The following FSTL5 variants were observed in gnomAD, a reference collection of about 807,000 sequenced individuals.
The protein encoded by FSTL5 is follistatin like 5.
In FSTL5, 62 loss-of-function variants were observed where a neutral mutation model predicts 89.1. The observed-to-expected ratio is 0.70, with a 90% CI of 0.57 to 0.86. FSTL5 has a LOEUF of 0.86. Among genes scored for constraint, FSTL5 ranks in the 40% least tolerant of loss-of-function variants. FSTL5 has a pLI of 0.00. For missense variants in FSTL5, 1,057 were observed against 1,001.6 expected (o/e 1.06, Z -0.75); for synonymous variants, 383 against 346.2 (o/e 1.11, Z -1.18).
At chr4:161,688,570 G>A (rs527576306) in intron 6 of FSTL5, among the ~76,000 whole-genome samples, 1 of 152,244 alleles carries the variant, frequency 6.6e-6, no homozygotes, top group African/African-American at 2.4e-5. Context: ...ATGGAAGGTT[G>A]GCAAAGAGAT....
intron 13 of FSTL5, among the ~76,000 whole-genome samples, chr4:161,466,473 A>T (rs1170069752): frequency 2.0e-5 from 3 of 152,174 alleles, no homozygotes; most frequent in Non-Finnish European, 4.4e-5. Flanking sequence ...CCAGCTGGCT[A>T]ATTAAGTGAA....
chr4:161,642,751 C>T (rs1021785460), intron 7 of FSTL5, among the ~76,000 whole-genome samples: 26 of 151,942 alleles, frequency 1.7e-4, no homozygotes, highest in African/African-American at 6.3e-4. Flanking sequence ...TTAGAGTATG[C>T]AAAATCAGAC....
chr4:161,559,633 T>A (rs894658918), intron 8 of FSTL5, among the ~76,000 whole-genome samples: 1 of 151,956 alleles, frequency 6.6e-6, no homozygotes, highest in Non-Finnish European at 1.5e-5. Context: ...AATTAATTCC[T>A]GTAAGCAAAC....
intron 6 of FSTL5, among the ~76,000 whole-genome samples, chr4:161,701,858 T>C (rs562930897): frequency 6.6e-6 from 1 of 152,256 alleles, no homozygotes; most frequent in East Asian, 1.9e-4. Flanking sequence ...TTACTTATGT[T>C]TTGATTCTTG....
chr4:161,539,470 T>C (rs1731745368), intron 9 of FSTL5, among the ~76,000 whole-genome samples: 1 of 152,168 alleles, frequency 6.6e-6, no homozygotes, highest in African/African-American at 2.4e-5. Context: ...TGTTTCTTTA[T>C]TTGCAAATGC....
rs575266835 is a variant in FSTL5, at chr4:161,479,610, C to T, written c.1608+1410G>A. ...GTCAAAATCCAACAGTCTCAAAAAT[C>T]GGAAACAAAAGAAGTGAAATATACA... On this transcript the variant is annotated intron_variant, in intron 13 of 15. Transcript: ENST00000306100. Among the ~76,000 whole-genome samples, 58 of 152,132 alleles carry T rather than the reference C, an allele frequency of 3.8e-4. No homozygotes were observed. In the South Asian group the frequency reaches 0.011, roughly 28 times the overall value.
chr4:161,765,548 T>C (rs1740963916), intron 5 of FSTL5, among the ~76,000 whole-genome samples: 1 of 152,204 alleles, frequency 6.6e-6, no homozygotes, highest in South Asian at 2.1e-4. Flanking sequence ...AAATACTTCA[T>C]TTGTAAAAAT....
chr4:162,087,430 A>C (rs1365959773), intron 2 of FSTL5, among the ~76,000 whole-genome samples: 3 of 152,130 alleles, frequency 2.0e-5, no homozygotes, highest in Admixed American at 6.6e-5. Context: ...AATAAAGAGG[A>C]AAGAGGAGAA....
At chr4:162,119,671 G>A (rs908428554) in intron 1 of FSTL5, among the ~76,000 whole-genome samples, 1 of 152,130 alleles carries the variant, frequency 6.6e-6, no homozygotes, top group African/African-American at 2.4e-5. Flanking sequence ...CTTGTGTTGA[G>A]AACATTCAAT....
intron 4 of FSTL5, among the ~76,000 whole-genome samples, chr4:161,874,273 G>C (rs796222273): frequency 2.6e-5 from 4 of 151,768 alleles, no homozygotes; most frequent in South Asian, 2.1e-4. Flanking sequence ...TTTAAAATTA[G>C]GTTTACTTTT....
At chr4:161,616,512 G>T (rs1043566814) in intron 7 of FSTL5, among the ~76,000 whole-genome samples, 1 of 152,070 alleles carries the variant, frequency 6.6e-6, no homozygotes, top group Non-Finnish European at 1.5e-5. Context: ...GAGGTTTTGG[G>T]ACTCAGACTG....
intron 7 of FSTL5, among the ~76,000 whole-genome samples, chr4:161,629,398 G>C (rs956777712): frequency 1.3e-5 from 2 of 151,882 alleles, no homozygotes; most frequent in Admixed American, 1.3e-4. Flanking sequence ...GCTGGAGTGC[G>C]ATGGCATGAT....
intron 4 of FSTL5, among the ~76,000 whole-genome samples, chr4:161,821,660 CAT>C (rs1047391541): frequency 1.3e-5 from 2 of 152,150 alleles, no homozygotes; most frequent in African/African-American, 4.8e-5. Flanking sequence ...TGAGTGAGAA[CAT>C]ATGATATTTG....
intron 3 of FSTL5, among the ~76,000 whole-genome samples, chr4:161,998,644 CA>C (rs1736371036): frequency 6.6e-6 from 1 of 152,070 alleles, no homozygotes; most frequent in Non-Finnish European, 1.5e-5. Flanking sequence ...TTTTCTCTTA[CA>C]ATATGTATTC....
intron 15 of FSTL5, among the ~76,000 whole-genome samples, chr4:161,430,352 T>G (rs1732315191): frequency 6.6e-6 from 1 of 152,110 alleles, no homozygotes; most frequent in African/African-American, 2.4e-5. Context: ...CAGAGAACTT[T>G]CCAAATCTAG....
At chr4:162,128,836 A>C (rs1333455735) in intron 1 of FSTL5, among the ~76,000 whole-genome samples, 1 of 152,174 alleles carries the variant, frequency 6.6e-6, no homozygotes, top group Admixed American at 6.5e-5. Flanking sequence ...TCATTGTAAA[A>C]GACTTCATAT....
chr4:161,603,993 TAAC>T (rs1282301071), intron 7 of FSTL5, among the ~76,000 whole-genome samples: 3 of 152,132 alleles, frequency 2.0e-5, no homozygotes, highest in African/African-American at 7.2e-5. Context: ...AATAGATCAA[TAAC>T]AAATAAATGC....
chr4:161,976,889 C>CT (rs1735666281), intron 3 of FSTL5, among the ~76,000 whole-genome samples: 1 of 152,172 alleles, frequency 6.6e-6, no homozygotes, highest in Non-Finnish European at 1.5e-5. Flanking sequence ...TCTCTCAAGA[C>CT]TAAGTTTCTA....
intron 4 of FSTL5, among the ~76,000 whole-genome samples, chr4:161,784,918 A>G (rs939360035): frequency 1.3e-5 from 2 of 150,574 alleles, no homozygotes; most frequent in African/African-American, 2.4e-5. Flanking sequence ...AAACAAACAA[A>G]AAAAAGAAGA....
Sources: allele counts gnomAD v4.1 joint callset (sites outside exome capture counted in the v4.1 genomes callset), GRCh38; gene constraint gnomAD v4.1.1; transcripts MANE v1.5; gene names NCBI Gene and HGNC (gene_info 2026-07-23, HGNC 2026-07-21).